The following AK5 variants were observed in gnomAD, a reference collection of about 807,000 sequenced individuals.
AK5 encodes adenylate kinase 5, also known as adenylate kinase isoenzyme 5.
In AK5, 27 loss-of-function variants were observed where a neutral mutation model predicts 69.5. The observed-to-expected ratio is 0.39, with a 90% CI of 0.29 to 0.54. The LOEUF is 0.54. Ranked by LOEUF, AK5 falls within the 20% of genes least tolerant of loss-of-function variation. AK5 has a pLI of 0.71. For synonymous variants in AK5, 260 were observed against 244.4 expected (o/e 1.06, Z -0.60); for missense variants, 531 against 700.4 (o/e 0.76, Z 2.73).
At chr1:77,420,050 T>C (rs1231017702) in intron 8 of AK5, among the ~76,000 whole-genome samples, 1 of 151,552 alleles carries the variant, frequency 6.6e-6, no homozygotes, top group Non-Finnish European at 1.5e-5. Flanking sequence ...GCAAGAAGCT[T>C]ACATCAGAGT....
chr1:77,319,765 G>A (rs1176747738), intron 5 of AK5, among the ~76,000 whole-genome samples: 1 of 152,190 alleles, frequency 6.6e-6, no homozygotes, highest in Non-Finnish European at 1.5e-5. Flanking sequence ...AAATTAAACT[G>A]GCTGTCATAT....
chr1:77,445,465 G>A (rs757637731), intron 8 of AK5, among the ~76,000 whole-genome samples: 1 of 152,078 alleles, frequency 6.6e-6, no homozygotes, highest in African/African-American at 2.4e-5. Context: ...TGCCCATTTT[G>A]TAATCAGCTT....
At chr1:77,343,031 A>G (rs957466259) in intron 6 of AK5, among the ~76,000 whole-genome samples, 2 of 152,186 alleles carry the variant, frequency 1.3e-5, no homozygotes, top group African/African-American at 2.4e-5. Context: ...AGTAAGCTCC[A>G]GGAAATGAAC....
chr1:77,525,262 G>A (rs979885120), intron 12 of AK5, among the ~76,000 whole-genome samples: 3 of 152,210 alleles, frequency 2.0e-5, no homozygotes, highest in East Asian at 3.9e-4. Flanking sequence ...TTTTGCATAC[G>A]GATATCTAGT....
At chr1:77,367,590 TATATATGTA>T (rs1646986924) in intron 6 of AK5, among the ~76,000 whole-genome samples, 11 of 1,014 alleles carry the variant, frequency 0.011, 1 homozygote, top group South Asian at 0.083. Flanking sequence ...ATATATATGT[TATATATGTA>T]ATATATATGT....
At chr1:77,460,099 T>G (rs1653741198) in intron 8 of AK5, among the ~76,000 whole-genome samples, 1 of 152,070 alleles carries the variant, frequency 6.6e-6, no homozygotes, top group African/African-American at 2.4e-5. Flanking sequence ...GAATGCAAAT[T>G]TCATTAATAA....
chr1:77,377,187 A>G (rs1647306662), intron 6 of AK5, among the ~76,000 whole-genome samples: 1 of 152,120 alleles, frequency 6.6e-6, no homozygotes, highest in Non-Finnish European at 1.5e-5. Context: ...AAACACATAT[A>G]CCAGACTCCC....
intron 8 of AK5, among the ~76,000 whole-genome samples, chr1:77,423,638 G>A (rs1651000209): frequency 6.6e-6 from 1 of 151,940 alleles, no homozygotes; most frequent in Admixed American, 6.6e-5. Context: ...GTAGAAGCCT[G>A]TACCAGGGCT....
At chr1:77,384,168 T>C (rs1304164395) in intron 6 of AK5, among the ~76,000 whole-genome samples, 1 of 152,064 alleles carries the variant, frequency 6.6e-6, no homozygotes, top group Non-Finnish European at 1.5e-5. Flanking sequence ...ATTAAGTAAC[T>C]CAAACGTGCA....
intron 13 of AK5, among the ~76,000 whole-genome samples, chr1:77,545,707 C>T (rs977092546): frequency 6.6e-6 from 1 of 152,184 alleles, no homozygotes; most frequent in Non-Finnish European, 1.5e-5. Context: ...TTTCCCAGCT[C>T]CTTGATGCTT....
At chr1:77,451,469 A>G (rs1202096168) in intron 8 of AK5, among the ~76,000 whole-genome samples, 4 of 152,092 alleles carry the variant, frequency 2.6e-5, no homozygotes, top group Non-Finnish European at 4.4e-5. Context: ...TTTTCCTTTC[A>G]TCTTTTCACT....
At chr1:77,487,600 G>A (rs769962604) in intron 10 of AK5, among the ~76,000 whole-genome samples, 1 of 152,218 alleles carries the variant, frequency 6.6e-6, no homozygotes, top group Non-Finnish European at 1.5e-5. Flanking sequence ...TGCAAGTTAA[G>A]ATCAGAGTGC....
intron 10 of AK5, among the ~76,000 whole-genome samples, chr1:77,492,257 A>G (rs1222720935): frequency 6.6e-6 from 1 of 152,216 alleles, no homozygotes; most frequent in Admixed American, 6.5e-5. Context: ...CTGCTTCATC[A>G]AGGGCATTCT....
At chr1:77,524,437 A>G (rs1368439389) in intron 12 of AK5, among the ~76,000 whole-genome samples, 2 of 152,132 alleles carry the variant, frequency 1.3e-5, no homozygotes, top group Non-Finnish European at 2.9e-5. Context: ...GAGAATTTCA[A>G]TTTCTTCTCA....
intron 13 of AK5, among the ~76,000 whole-genome samples, chr1:77,548,192 A>G (rs1265691147): frequency 2.0e-5 from 3 of 152,218 alleles, no homozygotes; most frequent in Non-Finnish European, 2.9e-5. Flanking sequence ...TGTGCTGATT[A>G]TAAGTCATCC....
intron 6 of AK5, among the ~76,000 whole-genome samples, chr1:77,387,624 T>G (rs369983703): frequency 7.0e-4 from 107 of 152,332 alleles, no homozygotes; most frequent in Middle Eastern, 3.4e-3. Context: ...ACTGCTTTCC[T>G]AAACCCCAAT....
rs556578069 is a variant in AK5 at position 77,419,207 on chromosome 1, C to T, written c.1059+1492C>T. ...TGCCTCTGCCACAATGTACTGCCTC[C>T]CATCCTAACCTCCAAAGACAGGTCA... On this transcript the variant is annotated intron_variant, in intron 8 of 13. Transcript: ENST00000354567. Among the ~76,000 whole-genome samples, 37 of 152,106 alleles carry T rather than the reference C, an allele frequency of 2.4e-4. No individual in the cohort carries two copies. In the South Asian group the frequency reaches 7.3e-3, roughly 30 times the overall value.
At chr1:77,468,624 T>C (rs1654289086) in intron 8 of AK5, among the ~76,000 whole-genome samples, 1 of 152,248 alleles carries the variant, frequency 6.6e-6, no homozygotes, top group Non-Finnish European at 1.5e-5. Flanking sequence ...TTCTTTTTTC[T>C]ATACCACATT....
chr1:77,487,435 C>T (rs1655673912), intron 10 of AK5, among the ~76,000 whole-genome samples: 1 of 152,172 alleles, frequency 6.6e-6, no homozygotes, highest in Admixed American at 6.5e-5. Flanking sequence ...TCTAATCATT[C>T]AAGTGCCTCA....
Sources: gnomAD v4.1 joint callset for allele counts (sites outside exome capture counted in the v4.1 genomes callset) on GRCh38, gnomAD v4.1.1 for gene constraint, MANE v1.5 for transcripts, NCBI Gene and HGNC (gene_info 2026-07-23, HGNC 2026-07-21) for gene names.